DMD: variants seen among roughly 807,000 people sequenced by gnomAD.
DMD encodes mutant dystrophin.
In DMD, 63 loss-of-function variants were observed where a neutral mutation model predicts 330.1. The ratio of observed to expected loss-of-function variants is 0.19; its 90% CI spans 0.16 to 0.24. The LOEUF (loss-of-function observed/expected upper bound fraction) is 0.24, where lower values mean the gene tolerates loss of function less well. Ranked by LOEUF, DMD falls within the 10% of genes least tolerant of loss-of-function variation. The pLI is 1.00. For synonymous variants in DMD, 1,223 were observed against 959.8 expected (o/e 1.27, Z -5.07); for missense variants, 3,344 against 2,684.1 (o/e 1.25, Z -5.43).
chrX:31,791,339 G>A (rs998417920), intron 50 of DMD, among the ~76,000 whole-genome samples: 5 of 111,433 alleles, frequency 4.5e-5, no homozygotes, highest in Admixed American at 9.6e-5. Flanking sequence ...GAGTACTCTC[G>A]CATTCCAAAG....
Position 31,366,610 on chromosome X carries a change from CT to C in DMD, c.9085-17977del, listed in dbSNP as rs200210211. 7.8e-3 allele frequency among the ~76,000 whole-genome samples: 765 copies of C among 98,396 alleles called. 6 individuals carry two copies. Among genetic ancestry groups the C allele is most frequent in the African/African-American group, 0.026 (700 of 27,017 alleles). 85.4% of individuals were successfully genotyped at this position (98,396 alleles called of 115,157 possible). ...CTGAAAGGCTCTCAAAATTTTAAGA[CT>C]TTTTTTTTTAAGTGTCTTAAAATAT... On this transcript the variant is annotated intron_variant, in intron 60 of 78. Transcript: ENST00000357033.
At chrX:32,697,837 G>T (rs1166206233) in intron 9 of DMD, 33 bp downstream of exon 9, 1 of 1,209,154 alleles carries the variant, frequency 8.3e-7, no homozygotes, top group Admixed American at 2.2e-5. Context: ...GCAGTTCTCT[G>T]GTTTGTACAA....
intron 16 of DMD, among the ~76,000 whole-genome samples, chrX:32,554,840 G>A (rs1378459780): frequency 5.9e-5 from 1 of 16,951 alleles, no homozygotes; most frequent in Non-Finnish European, 1.4e-4. Flanking sequence ...GGGAGAGAGA[G>A]AGAGAGAGAG....
At chrX:33,069,601 G>C in intron 1 of DMD, among the ~76,000 whole-genome samples, 1 of 111,777 alleles carries the variant, frequency 8.9e-6, no homozygotes, top group South Asian at 3.7e-4. Flanking sequence ...CTAAATTGAA[G>C]AACAACAGCA....
At chrX:32,655,656 C>T (rs748113904) in intron 9 of DMD, among the ~76,000 whole-genome samples, 30 of 111,559 alleles carry the variant, frequency 2.7e-4, no homozygotes, top group Admixed American at 4.8e-4. Flanking sequence ...CTATGAGGTC[C>T]GCTTGTTGCA....
rs180798093 is a variant in DMD, at chrX:32,777,381, G to A, written c.649+32112C>T. On this transcript the variant is annotated intron_variant, in intron 7 of 78. Coordinates refer to ENST00000357033, the MANE Select transcript of DMD (RefSeq NM_004006.3). ...AAATAATAATGGCAGTTATTACTTT[G>A]TAAAAACATATTTTAAGCAAGTATG... is the stretch of plus-strand genomic sequence containing the variant. Among the ~76,000 whole-genome samples, 6 of 103,628 alleles carry A rather than the reference G, an allele frequency of 5.8e-5. 1 individual carries two copies. The South Asian group carries it at 2.3e-3, about 39-fold the overall frequency. The allele number at this position is 103,628 out of a possible 115,157, so 90.0% of individuals were successfully genotyped here.
At chrX:31,846,179 A>G (rs2093423213) in intron 48 of DMD, among the ~76,000 whole-genome samples, 1 of 111,249 alleles carries the variant, frequency 9.0e-6, no homozygotes, top group African/African-American at 3.3e-5. Flanking sequence ...TCAAGAAATA[A>G]TACAAATAAT....
chrX:32,703,549 A>G (rs1380723038), intron 7 of DMD, among the ~76,000 whole-genome samples: 2 of 111,693 alleles, frequency 1.8e-5, no homozygotes, highest in African/African-American at 6.5e-5. Context: ...ATGTTAGATT[A>G]TGAGTATATA....
intron 62 of DMD, among the ~76,000 whole-genome samples, chrX:31,318,153 G>A (rs998239762): frequency 6.3e-5 from 7 of 111,902 alleles, no homozygotes; most frequent in African/African-American, 2.3e-4. Flanking sequence ...TAGTAATAGA[G>A]GCAATACAGT....
At position 32,168,509 on chromosome X, in the gene DMD, C is replaced by T. The variant is rs192778559; in HGVS notation, c.6438+48407G>A. ...AATCTCTTTAAAAAAATTTGACTGG[C>T]ATCAAATCAAGCTCTGACCAATGAC... On this transcript the variant is annotated intron_variant, in intron 44 of 78. Transcript: ENST00000357033. Among the ~76,000 whole-genome samples, 542 of 96,861 alleles carry T rather than the reference C, an allele frequency of 5.6e-3. 3 individuals are homozygous for T. Among genetic ancestry groups the T allele is most frequent in the Non-Finnish European group, 8.7e-3 (425 of 48,935 alleles). 84.1% of individuals were successfully genotyped at this position (96,861 alleles called of 115,157 possible).
intron 44 of DMD, among the ~76,000 whole-genome samples, chrX:32,192,144 G>A (rs1007700665): frequency 9.0e-6 from 1 of 111,609 alleles, no homozygotes; most frequent in African/African-American, 3.3e-5. Flanking sequence ...CATGGATGCC[G>A]GGTCTGGGCC....
At chrX:31,383,120 C>T (rs1394232904) in intron 60 of DMD, among the ~76,000 whole-genome samples, 1 of 111,522 alleles carries the variant, frequency 9.0e-6, no homozygotes, top group African/African-American at 3.3e-5. Context: ...TTGTGAAATT[C>T]CTTCTCCTGG....
At chrX:31,235,926 C>T (rs1267170537) in intron 63 of DMD, among the ~76,000 whole-genome samples, 1 of 112,403 alleles carries the variant, frequency 8.9e-6, no homozygotes, top group Non-Finnish European at 1.9e-5. Flanking sequence ...ACTCAACACC[C>T]CTTCCCAAAT....
At chrX:33,114,142 C>CT (rs1363074032) in intron 1 of DMD, among the ~76,000 whole-genome samples, 1 of 103,524 alleles carries the variant, frequency 9.7e-6, no homozygotes, top group African/African-American at 3.6e-5. Context: ...CAGAATCTCA[C>CT]TTTTTTGCCC....
chrX:31,713,930 C>A (rs941869827), intron 52 of DMD, among the ~76,000 whole-genome samples: 1 of 111,595 alleles, frequency 9.0e-6, no homozygotes, highest in Non-Finnish European at 1.9e-5. Context: ...AAAATTAGGG[C>A]AAGTTGCAAA....
intron 44 of DMD, chrX:32,206,403 G>C (rs1489293605): frequency 2.0e-6 from 1 of 508,301 alleles, no homozygotes; most frequent in Non-Finnish European, 3.6e-6. Context: ...TGATGATTTT[G>C]ATGATGAGGA....
At chrX:32,912,045 G>A (rs12835258) in intron 2 of DMD, among the ~76,000 whole-genome samples, 19 of 99,313 alleles carry the variant, frequency 1.9e-4, no homozygotes, top group African/African-American at 3.0e-4. Context: ...GAGAGAGAGA[G>A]AGAGAGAGAG....
At chrX:31,248,340 A>G (rs1387495390) in intron 63 of DMD, among the ~76,000 whole-genome samples, 1 of 112,010 alleles carries the variant, frequency 8.9e-6, no homozygotes. Flanking sequence ...CTTGAGAGTC[A>G]TGAGCATAAA....
At chrX:31,537,553 T>C (rs1281717094) in intron 55 of DMD, among the ~76,000 whole-genome samples, 1 of 112,213 alleles carries the variant, frequency 8.9e-6, no homozygotes, top group Non-Finnish European at 1.9e-5. Flanking sequence ...CTATCATCAT[T>C]ACTCACCTGG....
Sources: allele counts gnomAD v4.1 joint callset (sites outside exome capture counted in the v4.1 genomes callset), GRCh38; gene constraint gnomAD v4.1.1; transcripts MANE v1.5; gene names NCBI Gene and HGNC (gene_info 2026-07-23, HGNC 2026-07-21).